The following RBMS3 variants were observed in gnomAD, a reference collection of about 807,000 sequenced individuals.
RBMS3 encodes RNA binding motif single stranded interacting protein 3, also known as RNA-binding motif, single-stranded-interacting protein 3.
A neutral mutation model predicts 66.8 loss-of-function variants in RBMS3; 27 were observed. The observed-to-expected ratio is 0.40, with a 90% CI of 0.30 to 0.56. RBMS3 has a LOEUF of 0.56. RBMS3 is among the 20% of genes least tolerant of loss of function. The pLI, the probability that RBMS3 is intolerant of heterozygous loss-of-function variation, is 0.40. For missense variants in RBMS3, 513 were observed against 549.5 expected (o/e 0.93, Z 0.66); for synonymous variants, 188 against 183.0 (o/e 1.03, Z -0.22).
intron 1 of RBMS3, among the ~76,000 whole-genome samples, chr3:29,284,563 A>G (rs2032111947): frequency 6.6e-6 from 1 of 152,170 alleles, no homozygotes; most frequent in South Asian, 2.1e-4. Context: ...AATACATAGT[A>G]AAGTTTTAGA....
At chr3:29,844,508 C>T (rs945535111) in intron 6 of RBMS3, among the ~76,000 whole-genome samples, 9 of 152,096 alleles carry the variant, frequency 5.9e-5, no homozygotes, top group African/African-American at 2.2e-4. Flanking sequence ...TTTTTGCTTT[C>T]CTCTAATCTA....
chr3:29,287,047 G>A (rs2032405944), intron 1 of RBMS3, among the ~76,000 whole-genome samples: 1 of 152,082 alleles, frequency 6.6e-6, no homozygotes, highest in South Asian at 2.1e-4. Context: ...CAGCAAGAGT[G>A]CAGATGGAAC....
At chr3:29,681,464 A>G (rs1431094359) in intron 4 of RBMS3, among the ~76,000 whole-genome samples, 2 of 151,998 alleles carry the variant, frequency 1.3e-5, no homozygotes, top group Non-Finnish European at 2.9e-5. Context: ...TATTAAGCCC[A>G]GCATCCATTA....
chr3:29,428,442 C>A (rs2041047704), intron 1 of RBMS3, among the ~76,000 whole-genome samples: 1 of 152,028 alleles, frequency 6.6e-6, no homozygotes, highest in South Asian at 2.1e-4. Context: ...CATATATATT[C>A]ACTACAACCC....
chr3:29,302,006 A>C (rs2033705239), intron 1 of RBMS3, among the ~76,000 whole-genome samples: 1 of 151,834 alleles, frequency 6.6e-6, no homozygotes, highest in South Asian at 2.1e-4. Context: ...TACAATATTA[A>C]ATTTTTTTTA....
intron 1 of RBMS3, among the ~76,000 whole-genome samples, chr3:29,332,487 G>A (rs1267664031): frequency 6.6e-6 from 1 of 152,082 alleles, no homozygotes; most frequent in Non-Finnish European, 1.5e-5. Flanking sequence ...AAGAATGAAT[G>A]CTGACCTGAA....
chr3:29,451,107 GAATT>G (rs2042004928), intron 2 of RBMS3, among the ~76,000 whole-genome samples: 2 of 152,124 alleles, frequency 1.3e-5, no homozygotes, highest in African/African-American at 4.8e-5. Context: ...TTAACTGTTG[GAATT>G]AATTTCCAGA....
chr3:29,660,947 G>T (rs1328867407), intron 4 of RBMS3, among the ~76,000 whole-genome samples: 1 of 152,194 alleles, frequency 6.6e-6, no homozygotes, highest in East Asian at 1.9e-4. Flanking sequence ...CTGCACTTTT[G>T]TAATCAGAAG....
rs75199369 is a variant in RBMS3, at chr3:29,605,710, G to A, written c.399+18505G>A. ...GGCAGTTCAGATTCTACAAGGCGGGGAACAGTACAGCTTTGGGACCCTTTT... is the reference window on the plus strand; with the variant it reads ...GGCAGTTCAGATTCTACAAGGCGGGAAACAGTACAGCTTTGGGACCCTTTT... On this transcript the variant is annotated intron_variant, in intron 4 of 14. Coordinates refer to ENST00000383767, the MANE Select transcript of RBMS3 (RefSeq NM_001003793.3). Among the ~76,000 whole-genome samples the A allele has an allele frequency of 3.1e-3, 478 of 151,966 alleles. 13 individuals carry two copies. In the East Asian group the frequency reaches 0.068, roughly 22 times the overall value.
At chr3:29,829,884 G>T (rs2058321556) in intron 6 of RBMS3, among the ~76,000 whole-genome samples, 1 of 152,036 alleles carries the variant, frequency 6.6e-6, no homozygotes, top group Non-Finnish European at 1.5e-5. Context: ...CATTTCTCAT[G>T]CATAGATCTG....
rs1356743924 is a variant in RBMS3 at position 29,892,805 on chromosome 3, A to ATGTT, written c.792-4571_792-4570insTTGT. On this transcript the variant is annotated intron_variant, in intron 8 of 14. Coordinates refer to ENST00000383767, the MANE Select transcript of RBMS3 (RefSeq NM_001003793.3). ...GTAGCATGACATCTCTGCTTGAAGT[A>ATGTT]TGTATGTATGTATGTATGTATGTAT... 2.0e-3 allele frequency among the ~76,000 whole-genome samples: 231 copies of ATGTT among 114,950 alleles called. 2 individuals carry two copies. Among genetic ancestry groups the ATGTT allele is most frequent in the Non-Finnish European group, 2.4e-3 (133 of 54,760 alleles). 75.4% of individuals were successfully genotyped at this position (114,950 alleles called of 152,430 possible).
chr3:29,540,368 G>A (rs2045713200), intron 3 of RBMS3, among the ~76,000 whole-genome samples: 1 of 151,920 alleles, frequency 6.6e-6, no homozygotes, highest in African/African-American at 2.4e-5. Flanking sequence ...TTTCCATTAG[G>A]CAGTTAATTT....
intron 1 of RBMS3, among the ~76,000 whole-genome samples, chr3:29,292,708 C>T (rs745599429): frequency 2.6e-5 from 4 of 151,478 alleles, no homozygotes; most frequent in Non-Finnish European, 4.4e-5. Context: ...CAACCTCAAC[C>T]GGTTATTTAT....
intron 4 of RBMS3, among the ~76,000 whole-genome samples, chr3:29,594,607 C>A (rs2047878286): frequency 6.6e-6 from 1 of 152,086 alleles, no homozygotes; most frequent in Admixed American, 6.6e-5. Context: ...TATTATTTTT[C>A]TCATGATTGA....
At chr3:29,600,690 T>G (rs1011761256) in intron 4 of RBMS3, among the ~76,000 whole-genome samples, 2 of 152,076 alleles carry the variant, frequency 1.3e-5, no homozygotes, top group Non-Finnish European at 1.5e-5. Context: ...CTCGACAAAG[T>G]CTCTGCAGTG....
At chr3:29,321,749 A>G (rs917848125) in intron 1 of RBMS3, among the ~76,000 whole-genome samples, 2 of 152,092 alleles carry the variant, frequency 1.3e-5, no homozygotes, top group East Asian at 1.9e-4. Context: ...AATGAAAGCA[A>G]TTTGTACATC....
At chr3:29,635,741 T>C (rs1294695815) in intron 4 of RBMS3, among the ~76,000 whole-genome samples, 1 of 151,910 alleles carries the variant, frequency 6.6e-6, no homozygotes, top group Admixed American at 6.6e-5. Context: ...ACACGTTTCC[T>C]ATTCTCTTGA....
intron 1 of RBMS3, among the ~76,000 whole-genome samples, chr3:29,284,226 A>G (rs1256631185): frequency 1.3e-5 from 2 of 152,300 alleles, no homozygotes; most frequent in Non-Finnish European, 2.9e-5. Flanking sequence ...TGATATGTCA[A>G]TAATACTTAT....
intron 7 of RBMS3, among the ~76,000 whole-genome samples, chr3:29,869,508 C>A (rs1340762961): frequency 6.6e-6 from 1 of 151,804 alleles, no homozygotes; most frequent in South Asian, 2.1e-4. Flanking sequence ...AAGATATTGT[C>A]TTGGTCAAAA....
Sources: allele counts gnomAD v4.1 joint callset (sites outside exome capture counted in the v4.1 genomes callset), GRCh38; gene constraint gnomAD v4.1.1; transcripts MANE v1.5; gene names NCBI Gene and HGNC (gene_info 2026-07-23, HGNC 2026-07-21).